Variants in BCAR1 observed in about 807,000 individuals in gnomAD.
BCAR1 encodes breast cancer anti-estrogen resistance protein 1.
Under a neutral mutation model 67.6 loss-of-function variants are expected in BCAR1, and 30 were observed. The observed-to-expected ratio is 0.44, with a 90% confidence interval of 0.33 to 0.60. BCAR1 has a LOEUF of 0.60. BCAR1 is among the 20% of genes least tolerant of loss of function. The probability of loss-of-function intolerance (pLI) is 0.02; values close to 1 mark genes in which losing one functional copy is unlikely to be tolerated. For missense variants in BCAR1, 1,313 were observed against 1,222.3 expected (o/e 1.07, Z -1.11); for synonymous variants, 626 against 556.7 (o/e 1.12, Z -1.75).
upstream of BCAR1, chr16:75,252,222 G>C (rs938773269): frequency 1.2e-5 from 19 of 1,536,452 alleles, no homozygotes; most frequent in East Asian, 2.4e-5. Context: ...CGCTTTTCAC[G>C]GGCAGCACCT....
At chr16:75,242,175 G>A (rs1214206981) in intron 2 of BCAR1, among the ~76,000 whole-genome samples, 2 of 152,228 alleles carry the variant, frequency 1.3e-5, no homozygotes, top group Non-Finnish European at 2.9e-5. Context: ...CATGTGCCAA[G>A]CCCCGCCTGC....
chr16:75,266,667 C>CTGA (rs1479386706), intron 1 of BCAR1: 1 of 1,260,454 alleles, frequency 7.9e-7, no homozygotes. Context: ...GCAGGCCTTG[C>CTGA]TGATGCCCCG....
intron 1 of BCAR1, among the ~76,000 whole-genome samples, chr16:75,245,296 G>A (rs903607471): frequency 6.6e-6 from 1 of 152,224 alleles, no homozygotes; most frequent in African/African-American, 2.4e-5. Flanking sequence ...CCCTGCCCTG[G>A]TGACCACAGG....
In BCAR1 at chr16:75,228,451, G is replaced by C. The variant is rs967725215; in HGVS notation, c.*1060C>G. 6.6e-6 allele frequency: 1 copy of C among 152,362 alleles called. No individual in the cohort carries two copies. Among genetic ancestry groups the C allele is most frequent in the Admixed American group, 6.5e-5 (1 of 15,288 alleles). The allele number at this position is 152,362 out of a possible 1,614,324, so 9.4% of individuals were successfully genotyped here. A position where few individuals can be genotyped will look rare whatever the true frequency, so the allele number is the denominator to read the frequency against. On this transcript the variant is annotated 3_prime_UTR_variant, in exon 7 of 7. Coordinates refer to ENST00000162330, the MANE Select transcript of BCAR1 (RefSeq NM_014567.5). ...GCTTCCATCTGGGCTGCGGGCTGCT[G>C]GGTGGGGGAGCCACGAAGGGGGACA...
Position 75,242,153 on chromosome 16 carries a change from A to T in BCAR1, c.633+317T>A, listed in dbSNP as rs60157489. 8.1e-3 allele frequency among the ~76,000 whole-genome samples: 1,232 copies of T among 152,276 alleles called. 17 individuals carry two copies. The highest frequency in any genetic ancestry group is 0.028 in the African/African-American group (1,172 of 41,542). On this transcript the variant is annotated intron_variant, in intron 2 of 6. Transcript: ENST00000162330. ...GGCCTCTCCCTTGCGGGGGCCCAGC[A>T]ACTGCCGACCCCATGTGCCAAGCCC...
chr16:75,243,137 G>A (rs1373134934), intron 1 of BCAR1, 47 bp from the exon 2 acceptor site: 1 of 1,529,006 alleles, frequency 6.5e-7, no homozygotes, highest in Non-Finnish European at 8.8e-7. Context: ...TGTGCATGGG[G>A]CGTCAGGGGC....
At position 75,242,690 on chromosome 16, in the gene BCAR1, T is replaced by C. The variant is rs765409996; in HGVS notation, c.413A>G (p.Gln138Arg). The change falls in exon 2 of 7, where the codon CAG becomes CGG. Residue 138 changes from glutamine (Q) to arginine (R), a missense_variant. Transcript: ENST00000162330. Reference protein sequence around the residue: ...YQVPGPSPQFQSPPAKQTSTF... With the variant: ...YQVPGPSPQFRSPPAKQTSTF... Reference sequence around the variant, plus strand: ...GGATGTCTGCTTGGCTGGGGGAGACTGGAACTGAGGGCTGGGACCCGGGAC... The same window carrying C: ...GGATGTCTGCTTGGCTGGGGGAGACCGGAACTGAGGGCTGGGACCCGGGAC... 3.2e-6 allele frequency: 5 copies of C among 1,541,166 alleles called. No individual in the cohort carries two copies. Among genetic ancestry groups the C allele is most frequent in the Non-Finnish European group, 4.4e-6 (5 of 1,145,898 alleles).
At chr16:75,234,515 G>A (rs2077029959) in intron 5 of BCAR1, among the ~76,000 whole-genome samples, 2 of 152,146 alleles carry the variant, frequency 1.3e-5, no homozygotes, top group Non-Finnish European at 2.9e-5. Context: ...CTCCCACCCG[G>A]CTAGCACCCA....
At chr16:75,262,150 G>C (rs1030970739) in intron 1 of BCAR1, among the ~76,000 whole-genome samples, 3 of 152,118 alleles carry the variant, frequency 2.0e-5, no homozygotes, top group Non-Finnish European at 4.4e-5. Flanking sequence ...AGCCTCTCCA[G>C]GAACCCCTTT....
At chr16:75,232,786 A>T (rs1254937000) in intron 6 of BCAR1, among the ~76,000 whole-genome samples, 1 of 152,068 alleles carries the variant, frequency 6.6e-6, no homozygotes, top group Non-Finnish European at 1.5e-5. Flanking sequence ...CTTTTCAGTG[A>T]TTCTCACCGA....
upstream of BCAR1, among the ~76,000 whole-genome samples, chr16:75,253,782 G>A (rs934170267): frequency 3.1e-5 from 3 of 95,848 alleles, no homozygotes; most frequent in Non-Finnish European, 6.9e-5. Flanking sequence ...GGCTCTGGCC[G>A]GGGTATATGG....
Position 75,229,681 on chromosome 16 carries a change from A to G in BCAR1, c.2443T>C (p.Tyr815His), listed in dbSNP as rs762502465. The G allele has an allele frequency of 1.2e-6, 2 of 1,612,904 alleles. No individual in the cohort carries two copies. The highest frequency in any genetic ancestry group is 1.7e-6 in the Non-Finnish European group (2 of 1,179,930). Residue 815 changes from tyrosine to histidine, a missense_variant, in exon 7 of 7, where the codon TAC becomes CAC. By Grantham distance (83) the Tyr-to-His change is moderately conservative (BLOSUM62 2). Transcript: ENST00000162330. ...AADVRSQVTHYSNLLCDLLRG... is the reference protein window; with the variant it reads ...AADVRSQVTHHSNLLCDLLRG... The stretch of plus-strand genomic sequence containing the variant: ...AGGAGGTCGCACAGCAGGTTGCTGT[A>G]GTGGGTCACCTGGCTGCGCACGTCA...
Position 75,233,704 on chromosome 16 carries a change from G to C in BCAR1, c.2100+142C>G, listed in dbSNP as rs1226088516. The C allele has an allele frequency of 4.5e-5, 33 of 727,952 alleles. No individual in the cohort carries two copies. The Admixed American group carries it at 9.0e-4, about 20-fold the overall frequency. The allele number at this position is 727,952 out of a possible 1,614,324, so 45.1% of individuals were successfully genotyped here. On this transcript the variant is annotated intron_variant, in intron 6 of 6. Transcript: ENST00000162330. ...AAGATGAAGATGGTCAGGAGGCAGG[G>C]GGGTGGCAGGCCGGGCCCAGCTCTG...
rs201235941 is a variant in BCAR1, at chr16:75,242,727, C to T, written c.376G>A (p.Gly126Ser). The part of the protein sequence containing the change: ...LVPTPSKAQQ[G>S]LYQVPGPSPQ... ...CTGGGACCCGGGACTTGGTAGAGGC[C>T]TTGCTGAGCCTTGCTGGGAGTGGGC... Residue 126 changes from glycine (G) to serine (S), a missense_variant, in exon 2 of 7, where the codon GGC becomes AGC. Gly to Ser is a moderately conservative substitution (Grantham distance 56, BLOSUM62 0). Coordinates refer to ENST00000162330, the MANE Select transcript of BCAR1 (RefSeq NM_014567.5). 56 of 1,576,082 alleles carry T rather than the reference C, an allele frequency of 3.6e-5. No homozygotes were observed. In the East Asian group the frequency reaches 1.1e-3, roughly 31 times the overall value.
At chr16:75,266,623 T>A in intron 1 of BCAR1, 2 of 907,074 alleles carry the variant, frequency 2.2e-6, no homozygotes, top group Non-Finnish European at 2.9e-6. Flanking sequence ...ACTGGGCACG[T>A]GCATGTTCGT....
chr16:75,238,164 G>A (rs1344937358), intron 2 of BCAR1: 1 of 1,271,662 alleles, frequency 7.9e-7, no homozygotes, highest in Non-Finnish European at 1.0e-6. Context: ...GCCTGCCCAG[G>A]GCCACAGGAC....
chr16:75,265,430 C>T (rs1597295511), intron 1 of BCAR1, among the ~76,000 whole-genome samples: 1 of 152,140 alleles, frequency 6.6e-6, no homozygotes, highest in Non-Finnish European at 1.5e-5. Flanking sequence ...AGGGGAGTCG[C>T]GGGAGCGGCA....
Position 75,242,645 on chromosome 16 carries a change from G to T in BCAR1, c.458C>A (p.Pro153His), listed in dbSNP as rs538440673. ...KQTSTFSKQT[P>H]HHPFPSPATD... is the part of the protein sequence containing the mutation. ...GGCCGGGCTGGGAAACGGGTGATGG[G>T]GTGTCTGCTTCGAGAAGGTGGATGT... Residue 153 changes from proline to histidine, a missense_variant, in exon 2 of 7, where the codon CCC (proline) becomes CAC (histidine). Pro to His is a moderately conservative substitution (Grantham distance 77, BLOSUM62 -2). Transcript: ENST00000162330. 2.2e-5 allele frequency: 33 copies of T among 1,523,136 alleles called. No individual in the cohort carries two copies. The highest frequency in any genetic ancestry group is 1.3e-4 in the Admixed American group (6 of 46,112). 94.4% of individuals were successfully genotyped at this position (1,523,136 alleles called of 1,614,324 possible). A position where few individuals can be genotyped will look rare whatever the true frequency, so the allele number is the denominator to read the frequency against.
At position 75,236,991 on chromosome 16, in the gene BCAR1, T is replaced by A; in HGVS notation, c.803A>T (p.Asp268Val). ...ACCCTTGACAGCCATGGGGGGTGTG[T>A]CATACACCTGGGGCAGAAACAGTGC... ...LPSQYGQEVYDTPPMAVKGPN... is the reference protein window; with the variant it reads ...LPSQYGQEVYVTPPMAVKGPN... The change falls in exon 4 of 7, where the codon GAC becomes GTC. Residue 268 changes from aspartate (D) to valine (V), a missense_variant. Coordinates refer to ENST00000162330, the MANE Select transcript of BCAR1 (RefSeq NM_014567.5). 1 of 1,599,762 alleles carries A rather than the reference T, an allele frequency of 6.3e-7. No individual in the cohort carries two copies. Among genetic ancestry groups the A allele is most frequent in the Non-Finnish European group, 8.5e-7 (1 of 1,172,130 alleles).
Sources: gnomAD v4.1 joint callset for allele counts (sites outside exome capture counted in the v4.1 genomes callset) on GRCh38, gnomAD v4.1.1 for gene constraint, MANE v1.5 for transcripts, NCBI Gene and HGNC (gene_info 2026-07-23, HGNC 2026-07-21) for gene names.